Variants in OSBPL1A observed in about 807,000 individuals in gnomAD.
OSBPL1A encodes oxysterol binding protein like 1A.
In OSBPL1A, 80 loss-of-function variants were observed where a neutral mutation model predicts 137.1. The observed-to-expected ratio is 0.58, with a 90% CI of 0.49 to 0.70. The LOEUF (loss-of-function observed/expected upper bound fraction) is 0.70, where lower values mean the gene tolerates loss of function less well. OSBPL1A is among the 30% of genes least tolerant of loss of function. The pLI is 0.00. For missense variants in OSBPL1A, 970 were observed against 1,129.4 expected (o/e 0.86, Z 2.02); for synonymous variants, 365 against 389.7 (o/e 0.94, Z 0.75).
intron 17 of OSBPL1A, among the ~76,000 whole-genome samples, chr18:24,206,045 C>T (rs763475852): frequency 1.3e-5 from 2 of 152,128 alleles, no homozygotes; most frequent in East Asian, 1.9e-4. Context: ...CATGTGCCAC[C>T]GTGCCCGGCT....
In OSBPL1A at chr18:24,368,260, CATTAAAA is replaced by C. The variant is rs1260953628; in HGVS notation, c.207+20_207+26del. Reference sequence around the variant, plus strand: ...CCATAACAATAATATTTACTGTAGTCATTAAAAATTAAAGTCATAAATAGACCTTCAA... The same window carrying C: ...CCATAACAATAATATTTACTGTAGTCATTAAAGTCATAAATAGACCTTCAA... On this transcript the variant is annotated intron_variant, in intron 3 of 27. Transcript: ENST00000319481. The C allele has an allele frequency of 6.6e-7, 1 of 1,520,724 alleles. No homozygotes were observed. The highest frequency in any genetic ancestry group is 1.4e-5 in the African/African-American group (1 of 72,614). 94.2% of individuals were successfully genotyped at this position (1,520,724 alleles called of 1,614,324 possible).
chr18:24,224,933 T>C (rs2088020019), intron 17 of OSBPL1A, 109 bp downstream of exon 17: 1 of 1,411,328 alleles, frequency 7.1e-7, no homozygotes, highest in East Asian at 2.3e-5. Flanking sequence ...TATAGCAATA[T>C]AAATCCCCTA....
At chr18:24,227,310 G>A (rs2088115583) in intron 16 of OSBPL1A, among the ~76,000 whole-genome samples, 1 of 152,154 alleles carries the variant, frequency 6.6e-6, no homozygotes, top group Non-Finnish European at 1.5e-5. Context: ...TAGTCAATAA[G>A]AGGGGGACAG....
At chr18:24,311,193 T>C (rs2090615042) in intron 13 of OSBPL1A, among the ~76,000 whole-genome samples, 2 of 152,168 alleles carry the variant, frequency 1.3e-5, no homozygotes, top group Non-Finnish European at 2.9e-5. Context: ...ACTCCATAGG[T>C]ATTGGGGAAT....
chr18:24,281,112 A>G (rs2089949391), intron 14 of OSBPL1A, among the ~76,000 whole-genome samples, 164 bp from the exon 15 acceptor site: 1 of 152,100 alleles, frequency 6.6e-6, no homozygotes, highest in South Asian at 2.1e-4. Context: ...CTTGAGACGG[A>G]GTCTGCTCTG....
chr18:24,346,091 A>G (rs1330118448), intron 4 of OSBPL1A, among the ~76,000 whole-genome samples: 1 of 152,184 alleles, frequency 6.6e-6, no homozygotes, highest in Non-Finnish European at 1.5e-5. Context: ...ATGGCTGCAC[A>G]GAGTATGTTT....
At chr18:24,200,850 TA>T (rs945932205) in intron 17 of OSBPL1A, among the ~76,000 whole-genome samples, 2 of 151,684 alleles carry the variant, frequency 1.3e-5, no homozygotes, top group Non-Finnish European at 2.9e-5. Context: ...AGAGAAATTT[TA>T]AAAAAAAATT....
intron 24 of OSBPL1A, among the ~76,000 whole-genome samples, chr18:24,169,812 C>T (rs536849263): frequency 6.6e-6 from 1 of 152,140 alleles, no homozygotes; most frequent in Non-Finnish European, 1.5e-5. Flanking sequence ...TATGTGCCTC[C>T]CCTACTGGGA....
At chr18:24,237,832 T>A (rs1426832200) in intron 16 of OSBPL1A, among the ~76,000 whole-genome samples, 1 of 152,162 alleles carries the variant, frequency 6.6e-6, no homozygotes, top group African/African-American at 2.4e-5. Flanking sequence ...GGCTAAATAC[T>A]TCCCTTGCCT....
intron 5 of OSBPL1A, 84 bp from the exon 6 acceptor site, chr18:24,334,414 GA>G: frequency 2.0e-6 from 2 of 993,422 alleles, no homozygotes; most frequent in Non-Finnish European, 2.9e-6. Flanking sequence ...ATCATGATGA[GA>G]AAAACCAAAA....
chr18:24,331,054 A>G (rs931766139), intron 7 of OSBPL1A, among the ~76,000 whole-genome samples: 1 of 152,142 alleles, frequency 6.6e-6, no homozygotes, highest in Non-Finnish European at 1.5e-5. Context: ...CGGCCTCTCA[A>G]AGTGCTGGGA....
chr18:24,299,894 C>T lies in OSBPL1A; in HGVS notation c.1174+3743G>A, dbSNP rs143283821. Among the ~76,000 whole-genome samples the T allele has an allele frequency of 4.9e-3, 742 of 152,300 alleles. 7 individuals carry two copies. The highest frequency in any genetic ancestry group is 0.017 in the African/African-American group (715 of 41,560). On this transcript the variant is annotated intron_variant, in intron 14 of 27. Transcript: ENST00000319481. ...AAAAATATTCATACATTTTCACCCACTAATCCCATCCTAAGAATCCTGAGT... is the reference window on the plus strand; with the variant it reads ...AAAAATATTCATACATTTTCACCCATTAATCCCATCCTAAGAATCCTGAGT...
At chr18:24,391,048 C>T (rs1384449557) in intron 1 of OSBPL1A, among the ~76,000 whole-genome samples, 5 of 151,454 alleles carry the variant, frequency 3.3e-5, no homozygotes, top group African/African-American at 1.2e-4. Context: ...TGCAGTGAGC[C>T]GAGATCCCAC....
intron 21 of OSBPL1A, among the ~76,000 whole-genome samples, chr18:24,175,389 T>A (rs983143337): frequency 3.3e-5 from 5 of 151,834 alleles, no homozygotes; most frequent in Non-Finnish European, 7.4e-5. Flanking sequence ...GATCCCACTA[T>A]GTTGCCCAGG....
Position 24,317,153 on chromosome 18 carries a change from C to A in OSBPL1A, c.866G>T (p.Cys289Phe). 6.2e-7 allele frequency: 1 copy of A among 1,613,808 alleles called. No homozygotes were observed. The highest frequency in any genetic ancestry group is 8.5e-7 in the Non-Finnish European group (1 of 1,179,874). ...ATGATCCATGTTTCATCCTACCGTG[C>A]ATACTGCTTGAGTCAGGTGTTTGCA... is the stretch of plus-strand genomic sequence containing the variant. ...QGCKHLTQAV[C>F]TVKSTDSCLF... Residue 289 changes from cysteine (C) to phenylalanine (F), a missense_variant, in exon 11 of 28, where the codon TGC becomes TTC. Physicochemically the swap from Cys to Phe is radical, Grantham distance 205. Around this residue, in one of 2 missense-constraint regions of OSBPL1A, gnomAD observed 647 missense variants for 672.6 expected, o/e 0.96. Coordinates refer to ENST00000319481, the MANE Select transcript of OSBPL1A (RefSeq NM_080597.4).
rs568941714 is a variant in OSBPL1A at position 24,345,836 on chromosome 18, T to C, written c.283-4178A>G. Reference sequence around the variant, plus strand: ...CATCCCCTTACCTTACTAATTTTCATAGCACTTCTAAATGCCTGTATTGTT... The same window carrying C: ...CATCCCCTTACCTTACTAATTTTCACAGCACTTCTAAATGCCTGTATTGTT... On this transcript the variant is annotated intron_variant, in intron 4 of 27. Transcript: ENST00000319481. 1.2e-4 allele frequency among the ~76,000 whole-genome samples: 19 copies of C among 152,344 alleles called. No homozygotes were observed. The South Asian group carries it at 3.9e-3, about 32-fold the overall frequency.
intron 15 of OSBPL1A, among the ~76,000 whole-genome samples, chr18:24,266,787 A>G (rs572713194): frequency 7.9e-5 from 12 of 150,974 alleles, no homozygotes; most frequent in South Asian, 2.1e-4. Context: ...TAAAGCTAAC[A>G]GTGATACATT....
chr18:24,238,799 G>A (rs2088583018), intron 16 of OSBPL1A, among the ~76,000 whole-genome samples: 1 of 152,146 alleles, frequency 6.6e-6, no homozygotes, highest in Non-Finnish European at 1.5e-5. Flanking sequence ...TTAGCATACT[G>A]TGCTATCACC....
At chr18:24,336,976 G>A (rs573864763) in intron 5 of OSBPL1A, among the ~76,000 whole-genome samples, 11 of 152,184 alleles carry the variant, frequency 7.2e-5, no homozygotes, top group African/African-American at 2.6e-4. Context: ...ATTACAAAGG[G>A]AAAAGATGCC....
Sources: gnomAD v4.1 joint callset for allele counts (sites outside exome capture counted in the v4.1 genomes callset) on GRCh38, gnomAD v4.1.1 for gene constraint, gnomAD v4.1.1 regional missense constraint, MANE v1.5 for transcripts, NCBI Gene and HGNC (gene_info 2026-07-23, HGNC 2026-07-21) for gene names.